PISD: variants seen among roughly 807,000 people sequenced by gnomAD.
The protein encoded by PISD is phosphatidylserine decarboxylase.
In PISD, 31 loss-of-function variants were observed where a neutral mutation model predicts 43.5. The ratio of observed to expected loss-of-function variants is 0.71; its 90% CI spans 0.54 to 0.96. The LOEUF (loss-of-function observed/expected upper bound fraction) is 0.96, where lower values mean the gene tolerates loss of function less well. Ranked by LOEUF, PISD falls within the 40% of genes least tolerant of loss-of-function variation. The pLI is 0.00. For synonymous variants in PISD, 259 were observed against 228.7 expected, an observed-to-expected ratio of 1.13 and a Z score of -1.20; for missense variants, 523 against 548.4, an observed-to-expected ratio of 0.95 and a Z score of 0.46.
intron 1 of PISD, among the ~76,000 whole-genome samples, chr22:31,658,550 T>C (rs565171464): frequency 0.015 from 2,285 of 152,182 alleles, 51 homozygotes; most frequent in African/African-American, 0.044. Context: ...AGTTTGTTTG[T>C]TTGTTTGTTT....
At chr22:31,637,162 A>ATATATATATATAT (rs1261194181) in intron 3 of PISD, among the ~76,000 whole-genome samples, 1 of 15,474 alleles carries the variant, frequency 6.5e-5, no homozygotes, top group Non-Finnish European at 1.0e-4. Flanking sequence ...AAAAAAAAAA[A>ATATATATATATAT]AAATATATAT....
chr22:31,640,904 T>TTTTTTTTTTTTTTTTTTA (rs58251593), intron 3 of PISD, among the ~76,000 whole-genome samples: 1 of 114,964 alleles, frequency 8.7e-6, no homozygotes, highest in Non-Finnish European at 1.8e-5. Context: ...TTTTTTTTTT[T>TTTTTTTTTTTTTTTTTTA]GAGATGGAGT....
chr22:31,662,440 A>ACTC (rs1285142585), upstream of PISD: 11 of 542,898 alleles, frequency 2.0e-5, no homozygotes, highest in East Asian at 3.4e-4. Context: ...CAGCACTGCC[A>ACTC]CTCCTCCTCC....
In PISD at chr22:31,621,487, G is replaced by A. The variant is rs2072569231; in HGVS notation, c.559-15C>T. On this transcript the variant is annotated splice_polypyrimidine_tract_variant and intron_variant, in intron 4 of 7. Transcript: ENST00000439502. The stretch of plus-strand genomic sequence containing the variant: ...GATGGGCTAATCTGGAAGGGCAGGA[G>A]AGGCTTGCTGCCAGGGAGAGCAGGG... The A allele has an allele frequency of 6.2e-7, 1 of 1,613,838 alleles. No homozygotes were observed. The highest frequency in any genetic ancestry group is 8.5e-7 in the Non-Finnish European group (1 of 1,179,982).
At chr22:31,656,752 C>T (rs56156742) in intron 1 of PISD, among the ~76,000 whole-genome samples, 6,714 of 152,206 alleles carry the variant, frequency 0.044, 131 homozygotes, top group Non-Finnish European at 0.05. Flanking sequence ...CCCTCTCTTC[C>T]TCCTCACTCA....
intron 3 of PISD, among the ~76,000 whole-genome samples, chr22:31,622,690 C>T (rs2072651198): frequency 6.6e-6 from 1 of 152,248 alleles, no homozygotes; most frequent in African/African-American, 2.4e-5. Flanking sequence ...TTCTCTCTTC[C>T]TTCAGGGAAG....
At chr22:31,638,601 C>A (rs2073589269) in intron 3 of PISD, 2 of 985,182 alleles carry the variant, frequency 2.0e-6, no homozygotes, top group Admixed American at 6.2e-5. Context: ...GATCTGCCCC[C>A]ATCCTTCCCT....
intron 3 of PISD, among the ~76,000 whole-genome samples, chr22:31,642,666 G>A (rs543994839): frequency 5.0e-4 from 75 of 149,884 alleles, no homozygotes; most frequent in South Asian, 2.5e-3. Flanking sequence ...GGTGGTGCGC[G>A]CACCTGTAGT....
Position 31,648,219 on chromosome 22 carries a change from G to T in PISD, c.203C>A (p.Pro68His), listed in dbSNP as rs749468799. 6.2e-7 allele frequency: 1 copy of T among 1,612,190 alleles called. No individual in the cohort carries two copies. Among genetic ancestry groups the T allele is most frequent in the Non-Finnish European group, 8.5e-7 (1 of 1,179,658 alleles). Residue 68 changes from proline (P) to histidine (H), a missense_variant, in exon 3 of 8, where the codon CCC (proline) becomes CAC (histidine). Pro to His is a moderately conservative substitution (Grantham distance 77). Coordinates refer to ENST00000439502, the MANE Select transcript of PISD (RefSeq NM_001326411.2). ...ARTMFLLRPLPILLVTGGGYA... is the reference protein window; with the variant it reads ...ARTMFLLRPLHILLVTGGGYA... ...CCCGCCGCCTGTCACCAACAGAATG[G>T]GCAGGGGACGCAGCAGGAACATGGT...
chr22:31,619,526 T>C lies in PISD; in HGVS notation c.*86A>G, dbSNP rs760252426. On this transcript the variant is annotated 3_prime_UTR_variant, in exon 8 of 8. Transcript: ENST00000439502. ...AACCACGCTGAGGCAGGCCCTTACC[T>C]GGATGGCCTCATGGGCCTCCCTCTT... 9.3e-7 allele frequency: 1 copy of C among 1,076,580 alleles called. No homozygotes were observed. Among genetic ancestry groups the C allele is most frequent in the African/African-American group, 1.6e-5 (1 of 64,444 alleles). 66.7% of individuals were successfully genotyped at this position (1,076,580 alleles called of 1,614,324 possible).
At chr22:31,650,888 C>G (rs977087956) in intron 1 of PISD, 110 bp from the exon 2 acceptor site, 10 of 652,056 alleles carry the variant, frequency 1.5e-5, no homozygotes, top group Non-Finnish European at 2.4e-5. Flanking sequence ...ATGTAAATGT[C>G]TTGGTTTTGA....
intron 3 of PISD, chr22:31,626,063 T>G: frequency 2.1e-6 from 3 of 1,414,666 alleles, no homozygotes; most frequent in Non-Finnish European, 2.8e-6. Flanking sequence ...TCAGGTCACC[T>G]GCTCAGGGCT....
chr22:31,635,514 G>A lies in PISD; in HGVS notation c.321+12587C>T, dbSNP rs1171321568. ...GATGGGGTTTCACCATGTTGGCCAG[G>A]CTCATCTCAAACTCCTGACCTCAGG... On this transcript the variant is annotated intron_variant, in intron 3 of 7. Transcript: ENST00000439502. Among the ~76,000 whole-genome samples, 7 of 152,134 alleles carry A rather than the reference G, an allele frequency of 4.6e-5. No homozygotes were observed. The East Asian group carries it at 5.8e-4, about 13-fold the overall frequency.
At chr22:31,652,894 C>G (rs554797359) in intron 1 of PISD, among the ~76,000 whole-genome samples, 11 of 152,044 alleles carry the variant, frequency 7.2e-5, no homozygotes, top group African/African-American at 2.7e-4. Context: ...CAAAAATTAG[C>G]CGGGCATGGT....
At chr22:31,625,864 G>C (rs1430859354) in intron 3 of PISD, 2 of 1,565,796 alleles carry the variant, frequency 1.3e-6, no homozygotes, top group Non-Finnish European at 8.7e-7. Context: ...CACTCCCTTT[G>C]TTTTCCTCTT....
At chr22:31,648,620 C>A (rs973224471) in intron 2 of PISD, among the ~76,000 whole-genome samples, 1 of 150,402 alleles carries the variant, frequency 6.6e-6, no homozygotes, top group Admixed American at 6.6e-5. Context: ...TGAGCCGAGA[C>A]TGCACCACTG....
In PISD at chr22:31,619,535, T is replaced by C. The variant is rs2147598054; in HGVS notation, c.*77A>G. On this transcript the variant is annotated 3_prime_UTR_variant, in exon 8 of 8. Transcript: ENST00000439502. ...GAGGCAGGCCCTTACCTGGATGGCC[T>C]CATGGGCCTCCCTCTTGAAAAGACC... 2 of 1,240,066 alleles carry C rather than the reference T, an allele frequency of 1.6e-6. No individual in the cohort carries two copies. Among genetic ancestry groups the C allele is most frequent in the Non-Finnish European group, 2.3e-6 (2 of 853,168 alleles). The allele number at this position is 1,240,066 out of a possible 1,614,324, so 76.8% of individuals were successfully genotyped here.
intron 2 of PISD, among the ~76,000 whole-genome samples, chr22:31,649,456 G>C (rs2073976451): frequency 6.6e-6 from 1 of 152,190 alleles, no homozygotes; most frequent in Admixed American, 6.5e-5. Flanking sequence ...GTTGCAGGCT[G>C]GGCATGGTGG....
intron 3 of PISD, chr22:31,629,379 T>C (rs1569484315): frequency 5.6e-6 from 1 of 178,184 alleles, no homozygotes; most frequent in Non-Finnish European, 9.9e-6. Flanking sequence ...GGTGTGTAGG[T>C]GTGAGTGTGT....
Sources: gnomAD v4.1 joint callset for allele counts (sites outside exome capture counted in the v4.1 genomes callset) on GRCh38, gnomAD v4.1.1 for gene constraint, MANE v1.5 for transcripts, NCBI Gene and HGNC (gene_info 2026-07-23, HGNC 2026-07-21) for gene names.